KAT6A: variants seen among roughly 807,000 people sequenced by gnomAD.
KAT6A encodes lysine acetyltransferase 6A.
A neutral mutation model predicts 198.4 loss-of-function variants in KAT6A; 9 were observed. The observed-to-expected ratio is 0.05, with a 90% CI of 0.03 to 0.08. The LOEUF (loss-of-function observed/expected upper bound fraction) is 0.08. Among genes scored for constraint, KAT6A ranks in the 10% least tolerant of loss-of-function variants. The pLI, the probability that KAT6A is intolerant of heterozygous loss-of-function variation, is 1.00. For synonymous variants in KAT6A, 890 were observed against 883.0 expected (o/e 1.01, Z -0.14); for missense variants, 2,077 against 2,509.9 (o/e 0.83, Z 3.69).
At chr8:41,966,128 C>T (rs1823475369) in intron 8 of KAT6A, among the ~76,000 whole-genome samples, 1 of 152,044 alleles carries the variant, frequency 6.6e-6, no homozygotes, top group Admixed American at 6.6e-5. Flanking sequence ...TTGCACAGAA[C>T]TTACAGCACT....
At chr8:42,028,608 C>T (rs1200394301) in intron 2 of KAT6A, among the ~76,000 whole-genome samples, 5 of 152,058 alleles carry the variant, frequency 3.3e-5, no homozygotes, top group East Asian at 3.8e-4. Context: ...CCTTCACTTT[C>T]GGTCTATATG....
intron 4 of KAT6A, among the ~76,000 whole-genome samples, chr8:41,981,402 C>G (rs530097631): frequency 1.3e-5 from 2 of 152,236 alleles, no homozygotes; most frequent in East Asian, 3.9e-4. Context: ...ATAGAGTTAG[C>G]AAAAAGTTAT....
At chr8:41,955,944 T>C (rs1231784423) in intron 8 of KAT6A, among the ~76,000 whole-genome samples, 2 of 152,218 alleles carry the variant, frequency 1.3e-5, no homozygotes, top group Admixed American at 6.5e-5. Flanking sequence ...AGAGTCTTCA[T>C]TTCATACTAT....
chr8:41,932,963 G>A lies in KAT6A; in HGVS notation c.5257C>T (p.Leu1753=). Reference sequence around the variant, plus strand: ...TTGGTCAGCTGCTGCAGCTTGGCTAGGCTGAAGGTGGCTGATGGTTGAGAG... The same window carrying A: ...TTGGTCAGCTGCTGCAGCTTGGCTAAGCTGAAGGTGGCTGATGGTTGAGAG... The part of the protein sequence containing the change: ...SYSQPSATFS[L]AKLQQLTNTI... The change falls in exon 17 of 17, where the codon CTA becomes TTA. Residue 1753 remains leucine, a synonymous_variant. Coordinates refer to ENST00000265713, the MANE Select transcript of KAT6A (RefSeq NM_006766.5). The A allele has an allele frequency of 6.2e-7, 1 of 1,614,154 alleles. No individual in the cohort carries two copies. Among genetic ancestry groups the A allele is most frequent in the Non-Finnish European group, 8.5e-7 (1 of 1,180,006 alleles).
At chr8:41,974,661 T>C (rs1242410392) in intron 8 of KAT6A, 43 bp downstream of exon 8, 2 of 1,186,282 alleles carry the variant, frequency 1.7e-6, no homozygotes, top group African/African-American at 1.5e-5. Flanking sequence ...TTCTCAGCCA[T>C]GAACAAGTTG....
intron 2 of KAT6A, among the ~76,000 whole-genome samples, chr8:42,029,164 G>A (rs1826984951): frequency 6.6e-6 from 1 of 151,952 alleles, no homozygotes; most frequent in Non-Finnish European, 1.5e-5. Context: ...TAGTCTGATG[G>A]GGCTTCCCTT....
chr8:42,024,892 G>T (rs974288594), intron 2 of KAT6A, among the ~76,000 whole-genome samples: 1 of 152,066 alleles, frequency 6.6e-6, no homozygotes, highest in Non-Finnish European at 1.5e-5. Context: ...ATTGTGAATG[G>T]TGTTGCAATA....
chr8:41,988,718 G>A (rs1037992432), intron 2 of KAT6A, among the ~76,000 whole-genome samples: 1 of 152,228 alleles, frequency 6.6e-6, no homozygotes, highest in Non-Finnish European at 1.5e-5. Context: ...TAAGTGAACT[G>A]AAAAGATGGT....
chr8:42,023,186 C>T (rs1826634684), intron 2 of KAT6A, among the ~76,000 whole-genome samples: 1 of 152,040 alleles, frequency 6.6e-6, no homozygotes, highest in South Asian at 2.1e-4. Flanking sequence ...AATTAGTACA[C>T]CTGTATGGGG....
At chr8:42,034,115 T>C (rs571358323) in intron 2 of KAT6A, among the ~76,000 whole-genome samples, 1 of 152,006 alleles carries the variant, frequency 6.6e-6, no homozygotes, top group Non-Finnish European at 1.5e-5. Flanking sequence ...GAAGAAAAAA[T>C]GGATAACAAT....
rs551886131 is a variant in KAT6A at position 41,931,032 on chromosome 8, G to T, written c.*1173C>A. On this transcript the variant is annotated 3_prime_UTR_variant, in exon 17 of 17. Coordinates refer to ENST00000265713, the MANE Select transcript of KAT6A (RefSeq NM_006766.5). ...TAAATAGCTACGAAACTCACACCGT[G>T]ATCTCCCTTCTGACACACATCTGCG... 1 of 216,576 alleles carries T rather than the reference G, an allele frequency of 4.6e-6. No individual in the cohort carries two copies. The highest frequency in any genetic ancestry group is 1.9e-4 in the South Asian group (1 of 5,402). 13.4% of individuals were successfully genotyped at this position (216,576 alleles called of 1,614,324 possible). A position where few individuals can be genotyped will look rare whatever the true frequency, so the allele number is the denominator to read the frequency against.
chr8:42,009,886 C>A (rs1308274447), intron 2 of KAT6A, among the ~76,000 whole-genome samples: 1 of 126,162 alleles, frequency 7.9e-6, no homozygotes, highest in African/African-American at 3.1e-5. Context: ...CAGGACAAAG[C>A]CCTGTCTCAA....
intron 8 of KAT6A, among the ~76,000 whole-genome samples, chr8:41,970,885 T>C (rs1823757502): frequency 6.6e-6 from 1 of 152,188 alleles, no homozygotes; most frequent in African/African-American, 2.4e-5. Flanking sequence ...GGGAATACTA[T>C]GCAGCCATAA....
intron 15 of KAT6A, 41 bp downstream of exon 15, chr8:41,940,801 T>C: frequency 2.5e-6 from 4 of 1,571,418 alleles, no homozygotes; most frequent in South Asian, 2.3e-5. Context: ...TAAGATAAAC[T>C]GGAATTGGAG....
intron 2 of KAT6A, among the ~76,000 whole-genome samples, chr8:42,022,264 T>C (rs1430313011): frequency 6.6e-6 from 1 of 152,080 alleles, no homozygotes; most frequent in African/African-American, 2.4e-5. Context: ...GTTTGTAAAA[T>C]ACTGTACGTA....
intron 2 of KAT6A, among the ~76,000 whole-genome samples, chr8:41,995,557 T>C (rs1426320700): frequency 6.6e-6 from 1 of 152,210 alleles, no homozygotes; most frequent in East Asian, 1.9e-4. Context: ...TGTTGAAGTT[T>C]ATACCATGAA....
intron 2 of KAT6A, among the ~76,000 whole-genome samples, chr8:42,031,051 A>G (rs1827092107): frequency 6.9e-6 from 1 of 143,894 alleles, no homozygotes; most frequent in African/African-American, 2.6e-5. Context: ...GGGGGGGGAC[A>G]GGAGAAATGT....
intron 2 of KAT6A, among the ~76,000 whole-genome samples, chr8:42,024,985 A>G (rs1423045844): frequency 3.3e-5 from 5 of 152,150 alleles, no homozygotes; most frequent in Non-Finnish European, 5.9e-5. Flanking sequence ...GCTGGATCAT[A>G]TGGCAATTCT....
chr8:42,043,778 G>C (rs548243150), intron 2 of KAT6A, among the ~76,000 whole-genome samples: 14 of 152,282 alleles, frequency 9.2e-5, no homozygotes, highest in African/African-American at 3.4e-4. Context: ...AGACTCTGGA[G>C]CCAGACTGCC....
Sources: allele counts gnomAD v4.1 joint callset (sites outside exome capture counted in the v4.1 genomes callset), GRCh38; gene constraint gnomAD v4.1.1; transcripts MANE v1.5; gene names NCBI Gene and HGNC (gene_info 2026-07-23, HGNC 2026-07-21).